The following CACNB2 variants were observed in gnomAD, a reference collection of about 807,000 sequenced individuals.
CACNB2 encodes the protein voltage-dependent L-type calcium channel subunit beta-2.
CACNB2 carries 42 observed loss-of-function variants against 73.3 expected under a neutral mutation model. That is an observed-to-expected ratio of 0.57 (90% CI 0.45 to 0.74). The LOEUF is 0.74. Among genes scored for constraint, CACNB2 ranks in the 30% least tolerant of loss-of-function variants. The pLI is 0.00. For synonymous variants in CACNB2, 348 were observed against 310.3 expected (o/e 1.12, Z -1.28); for missense variants, 940 against 853.0 (o/e 1.10, Z -1.27).
chr10:18,385,634 A>G (rs2043198848), intron 2 of CACNB2, among the ~76,000 whole-genome samples: 1 of 129,920 alleles, frequency 7.7e-6, no homozygotes, highest in African/African-American at 2.9e-5. Flanking sequence ...CAAGAGTGCA[A>G]CTCCATCTCA....
intron 3 of CACNB2, among the ~76,000 whole-genome samples, chr10:18,433,876 G>T (rs997028228): frequency 1.5e-4 from 1 of 6,678 alleles, no homozygotes; most frequent in African/African-American, 2.2e-4. Context: ...ATCAGATTTT[G>T]TTGTTGTTGT....
intron 2 of CACNB2, among the ~76,000 whole-genome samples, chr10:18,279,167 G>A (rs1392980784): frequency 6.6e-6 from 1 of 152,110 alleles, no homozygotes; most frequent in South Asian, 2.1e-4. Context: ...AAAGGATTTG[G>A]CTGTCTTTCT....
At chr10:18,247,853 A>C (rs2036928528) in intron 2 of CACNB2, among the ~76,000 whole-genome samples, 1 of 152,182 alleles carries the variant, frequency 6.6e-6, no homozygotes, top group South Asian at 2.1e-4. Context: ...TTTCATTCTG[A>C]ATGCTAATGC....
chr10:18,295,934 A>G lies in CACNB2; in HGVS notation c.214-105990A>G, dbSNP rs1422110234. On this transcript the variant is annotated intron_variant, in intron 2 of 13. Coordinates refer to ENST00000324631, the MANE Select transcript of CACNB2 (RefSeq NM_201596.3). ...AGAAGTCCATCACCTTTCCTTGGTC[A>G]TTGAATGTTATTTCCATGTAGATGT... Among the ~76,000 whole-genome samples the G allele has an allele frequency of 2.0e-5, 3 of 150,918 alleles. No homozygotes were observed. The East Asian group carries it at 5.9e-4, about 30-fold the overall frequency.
intron 5 of CACNB2, among the ~76,000 whole-genome samples, chr10:18,502,530 A>C (rs1444277084): frequency 1.3e-5 from 2 of 151,262 alleles, no homozygotes; most frequent in Admixed American, 6.6e-5. Flanking sequence ...CTCTACTAAA[A>C]AAAAAAAAAA....
At chr10:18,294,406 T>G (rs1564411746) in intron 2 of CACNB2, among the ~76,000 whole-genome samples, 1 of 152,210 alleles carries the variant, frequency 6.6e-6, no homozygotes, top group Admixed American at 6.5e-5. Flanking sequence ...TCAACAAATG[T>G]TCACAGAGTG....
At position 18,233,287 on chromosome 10, in the gene CACNB2, G is replaced by T. The variant is rs73597541; in HGVS notation, c.213+82312G>T. Among the ~76,000 whole-genome samples the T allele has an allele frequency of 5.0e-3, 756 of 152,198 alleles. 2 individuals carry two copies. Among genetic ancestry groups the T allele is most frequent in the African/African-American group, 0.018 (731 of 41,536 alleles). ...CAAGGGAGCTTCCTGCTGCTCTACA[G>T]TTTATGCTTGAGGATGGGACACTTA... On this transcript the variant is annotated intron_variant, in intron 2 of 13. Coordinates refer to ENST00000324631, the MANE Select transcript of CACNB2 (RefSeq NM_201596.3).
At chr10:18,485,635 C>T (rs2049018199) in intron 3 of CACNB2, among the ~76,000 whole-genome samples, 1 of 149,026 alleles carries the variant, frequency 6.7e-6, no homozygotes, top group Admixed American at 6.7e-5. Context: ...AATCTTGGCT[C>T]ACTGCAACCT....
At chr10:18,515,812 G>A (rs920899763) in intron 7 of CACNB2, among the ~76,000 whole-genome samples, 1 of 152,194 alleles carries the variant, frequency 6.6e-6, no homozygotes, top group African/African-American at 2.4e-5. Context: ...GGGCCTTGAC[G>A]GAGCAGGAAT....
chr10:18,465,551 T>C (rs1224790959), intron 3 of CACNB2, among the ~76,000 whole-genome samples: 1 of 152,084 alleles, frequency 6.6e-6, no homozygotes, highest in Non-Finnish European at 1.5e-5. Flanking sequence ...TCCTCTTCTC[T>C]CCATAGCATT....
chr10:18,271,713 C>G (rs929728402), intron 2 of CACNB2, among the ~76,000 whole-genome samples: 7 of 152,142 alleles, frequency 4.6e-5, no homozygotes, highest in Admixed American at 4.6e-4. Flanking sequence ...TGCCCGCTAA[C>G]CTTTCTGCTG....
At chr10:18,141,103 C>T (rs2030337711) in intron 1 of CACNB2, 19 of 1,549,244 alleles carry the variant, frequency 1.2e-5, no homozygotes, top group Middle Eastern at 3.8e-4. Context: ...GGGAGACCTG[C>T]CAGTCCTCCC....
At position 18,411,144 on chromosome 10, in the gene CACNB2, A is replaced by G. The variant is rs373770461; in HGVS notation, c.333+9101A>G. Among the ~76,000 whole-genome samples the G allele has an allele frequency of 3.3e-5, 5 of 152,194 alleles. No individual in the cohort carries two copies. The South Asian group carries it at 6.2e-4, about 19-fold the overall frequency. On this transcript the variant is annotated intron_variant, in intron 3 of 13. Transcript: ENST00000324631. ...AAAAAATTGTCAACTCTTTGCTTAT[A>G]AGCATGTACCTTTCAAGTATAGTTA...
chr10:18,521,449 G>A (rs1360451189), intron 9 of CACNB2, among the ~76,000 whole-genome samples: 3 of 152,210 alleles, frequency 2.0e-5, no homozygotes, highest in African/African-American at 7.2e-5. Context: ...GGAGTGACTG[G>A]TAACAAATCC....
chr10:18,251,909 C>T (rs1305846739), intron 2 of CACNB2, among the ~76,000 whole-genome samples: 1 of 152,182 alleles, frequency 6.6e-6, no homozygotes, highest in East Asian at 1.9e-4. Flanking sequence ...TCCCCCAACA[C>T]TGGGTGTTAC....
chr10:18,201,012 G>A (rs540290993), intron 2 of CACNB2, among the ~76,000 whole-genome samples: 11 of 152,220 alleles, frequency 7.2e-5, no homozygotes, highest in African/African-American at 1.4e-4. Flanking sequence ...TAGGGCTAAC[G>A]TTCACTGGCT....
At position 18,479,125 on chromosome 10, in the gene CACNB2, A is replaced by C. The variant is rs369892839; in HGVS notation, c.334-19230A>C. 3.9e-5 allele frequency among the ~76,000 whole-genome samples: 6 copies of C among 152,076 alleles called. No individual in the cohort carries two copies. In the East Asian group the frequency reaches 1.2e-3, roughly 29 times the overall value. On this transcript the variant is annotated intron_variant, in intron 3 of 13. Transcript: ENST00000324631. ...TTAACTCTTTCATCAAAATACCTAT[A>C]TATTTTATGTAATATGGATCATTTA...
At chr10:18,184,979 A>G (rs1486498774) in intron 2 of CACNB2, among the ~76,000 whole-genome samples, 1 of 152,074 alleles carries the variant, frequency 6.6e-6, no homozygotes, top group Non-Finnish European at 1.5e-5. Context: ...AGCTGGGACT[A>G]CAGGCATGCA....
Position 18,140,684 on chromosome 10 carries a change from A to C in CACNB2, c.-53A>C. ...GCGCGGGGAGGCGGGGGCGAGGAGG[A>C]GGGGACCCGCCGCCGGGGGCTGGCT... On this transcript the variant is annotated 5_prime_UTR_variant, in exon 1 of 14. Coordinates refer to ENST00000324631, the MANE Select transcript of CACNB2 (RefSeq NM_201596.3). The C allele has an allele frequency of 6.7e-7, 1 of 1,498,780 alleles. No individual in the cohort carries two copies. The allele number at this position is 1,498,780 out of a possible 1,614,324, so 92.8% of individuals were successfully genotyped here. A position where few individuals can be genotyped will look rare whatever the true frequency, so the allele number is the denominator to read the frequency against.
Sources: gnomAD v4.1 joint callset for allele counts (sites outside exome capture counted in the v4.1 genomes callset) on GRCh38, gnomAD v4.1.1 for gene constraint, MANE v1.5 for transcripts, NCBI Gene and HGNC (gene_info 2026-07-23, HGNC 2026-07-21) for gene names.